The following RTL9 variants were observed in gnomAD, a reference collection of about 807,000 sequenced individuals.
The protein encoded by RTL9 is retrotransposon Gag-like protein 9.
In RTL9, 19 loss-of-function variants were observed where a neutral mutation model predicts 44.7. The ratio of observed to expected loss-of-function variants is 0.42; its 90% CI spans 0.30 to 0.62. RTL9 has a LOEUF of 0.62. Among genes scored for constraint, RTL9 ranks in the 20% least tolerant of loss-of-function variants. The probability of loss-of-function intolerance (pLI) is 0.16; values close to 1 mark genes in which losing one functional copy is unlikely to be tolerated. For missense variants in RTL9, 1,105 were observed against 1,080.6 expected (o/e 1.02, Z -0.32); for synonymous variants, 407 against 398.9 (o/e 1.02, Z -0.24).
upstream of RTL9, among the ~76,000 whole-genome samples, chrX:110,416,895 T>A (rs895331541): frequency 8.9e-6 from 1 of 111,890 alleles, no homozygotes; most frequent in Non-Finnish European, 1.9e-5. Flanking sequence ...CCTCTCTGAA[T>A]GTCTGTATCA....
exon 2 of RTL9, chrX:110,456,079 C>T (rs1466466215): frequency 2.7e-5 from 3 of 111,777 alleles, no homozygotes; most frequent in Non-Finnish European, 3.8e-5. Context: ...CTCTGGGTGA[C>T]CCCCTCAGTT....
chrX:110,411,620 C>A (rs769468487), intron 1 of RTL9, among the ~76,000 whole-genome samples: 14 of 112,006 alleles, frequency 1.2e-4, no homozygotes, highest in African/African-American at 4.5e-4. Flanking sequence ...AAAAATTTAA[C>A]AACCTGAGTA....
In RTL9 at chrX:110,396,589, T is replaced by G. The variant is rs746263726; in HGVS notation, c.-168+37673T>G. 3.7e-3 allele frequency among the ~76,000 whole-genome samples: 420 copies of G among 112,060 alleles called. 1 individual carries two copies. The highest frequency in any genetic ancestry group is 6.5e-3 in the Non-Finnish European group (345 of 53,220). ...CACCTCCTCAGAGCTGGAATTACAGTTTGATGTGTATTGGGTACTCACAAT... is the reference window on the plus strand; with the variant it reads ...CACCTCCTCAGAGCTGGAATTACAGGTTGATGTGTATTGGGTACTCACAAT... On this transcript the variant is annotated intron_variant, in intron 1 of 2. Transcript: ENST00000520821.
chrX:110,409,389 G>A (rs1416293695), intron 1 of RTL9, among the ~76,000 whole-genome samples: 1 of 111,671 alleles, frequency 9.0e-6, no homozygotes, highest in African/African-American at 3.3e-5. Flanking sequence ...GAAGAGAGTT[G>A]TGTTTACATT....
intron 1 of RTL9, among the ~76,000 whole-genome samples, chrX:110,410,165 G>C (rs148789669): frequency 9.0e-6 from 1 of 111,583 alleles, no homozygotes; most frequent in East Asian, 2.8e-4. Context: ...CACAGAGCAA[G>C]TCATGGCAGA....
chrX:110,423,148 C>T (rs1374420895), intron 1 of RTL9, among the ~76,000 whole-genome samples: 2 of 110,755 alleles, frequency 1.8e-5, no homozygotes, highest in Non-Finnish European at 3.8e-5. Flanking sequence ...GCCAACATGG[C>T]GAAACCCTGT....
chrX:110,398,741 C>T (rs1390560986), intron 1 of RTL9, among the ~76,000 whole-genome samples: 2 of 112,136 alleles, frequency 1.8e-5, no homozygotes, highest in Non-Finnish European at 3.8e-5. Flanking sequence ...CTTCACTTCA[C>T]CTCATAGTTG....
chrX:110,359,856 A>C (rs2068251603), intron 1 of RTL9, among the ~76,000 whole-genome samples: 1 of 111,842 alleles, frequency 8.9e-6, no homozygotes, highest in Non-Finnish European at 1.9e-5. Flanking sequence ...AGCATCAAAG[A>C]CTGCTTTATC....
chrX:110,431,323 C>CTGTG (rs759432836), intron 1 of RTL9, among the ~76,000 whole-genome samples: 7,254 of 94,834 alleles, frequency 0.076, 657 homozygotes, highest in African/African-American at 0.25. Context: ...GAGGGGAAGG[C>CTGTG]TGTGTGTGTG....
chrX:110,413,341 C>A (rs1182669936), intron 1 of RTL9, among the ~76,000 whole-genome samples: 1 of 111,572 alleles, frequency 9.0e-6, no homozygotes, highest in Non-Finnish European at 1.9e-5. Context: ...ACACTGTCCA[C>A]ACTCCCACAC....
intron 1 of RTL9, among the ~76,000 whole-genome samples, chrX:110,377,988 G>A (rs1247340204): frequency 2.5e-5 from 2 of 81,559 alleles, no homozygotes; most frequent in Admixed American, 1.6e-4. Context: ...CAGCCTGGGC[G>A]ACAGAGCGAG....
intron 1 of RTL9, among the ~76,000 whole-genome samples, chrX:110,425,952 G>C (rs1405674102): frequency 9.0e-6 from 1 of 111,712 alleles, no homozygotes; most frequent in Non-Finnish European, 1.9e-5. Context: ...AGGCATTGAG[G>C]ATTTATAAGT....
chrX:110,384,708 A>G (rs1442604184), intron 1 of RTL9, among the ~76,000 whole-genome samples: 1 of 110,817 alleles, frequency 9.0e-6, no homozygotes, highest in Non-Finnish European at 1.9e-5. Flanking sequence ...GAAGGTGACA[A>G]ATGTGGCTGG....
chrX:110,454,683 G>C lies in RTL9; in HGVS notation c.4047+19G>C. 2 of 1,147,459 alleles carry C rather than the reference G, an allele frequency of 1.7e-6. No homozygotes were observed. Among genetic ancestry groups the C allele is most frequent in the South Asian group, 4.0e-5 (2 of 49,649 alleles). 94.6% of individuals were successfully genotyped at this position (1,147,459 alleles called of 1,213,427 possible). A position where few individuals can be genotyped will look rare whatever the true frequency, so the allele number is the denominator to read the frequency against. ...TGAGGAGGTAATGAGGGGGAAATCC[G>C]CTGAAGGTTTTTGAGCAGAGAAATG... On this transcript the variant is annotated intron_variant, in intron 1 of 1. Transcript: ENST00000540313.
At chrX:110,413,291 C>T (rs1478988005) in intron 1 of RTL9, among the ~76,000 whole-genome samples, 1 of 111,467 alleles carries the variant, frequency 9.0e-6, no homozygotes, top group African/African-American at 3.3e-5. Context: ...TGAGTCTCCA[C>T]GGCGGATCTC....
exon 1 of RTL9, chrX:110,450,901 C>T: frequency 8.3e-7 from 1 of 1,211,943 alleles, no homozygotes; most frequent in Non-Finnish European, 1.1e-6. Context: ...ATGCCAGCCT[C>T]AGACTCTGGG....
chrX:110,366,738 C>T (rs193195349), intron 1 of RTL9, among the ~76,000 whole-genome samples: 5 of 111,768 alleles, frequency 4.5e-5, no homozygotes, highest in African/African-American at 1.6e-4. Flanking sequence ...TATTCCCAAC[C>T]TGCCCCAGCA....
chrX:110,436,974 C>G (rs900769300), intron 1 of RTL9, among the ~76,000 whole-genome samples: 4 of 112,033 alleles, frequency 3.6e-5, no homozygotes, highest in Non-Finnish European at 3.8e-5. Flanking sequence ...CCTTCTGGAC[C>G]CTGATCTCCC....
chrX:110,414,431 G>A (rs993138658), upstream of RTL9, among the ~76,000 whole-genome samples: 2 of 112,610 alleles, frequency 1.8e-5, no homozygotes, highest in African/African-American at 3.2e-5. Flanking sequence ...GAGGGGAAAG[G>A]GGAAGTGATA....
Sources: gnomAD v4.1 joint callset for allele counts (sites outside exome capture counted in the v4.1 genomes callset) on GRCh38, gnomAD v4.1.1 for gene constraint, MANE v1.5 for transcripts, NCBI Gene and HGNC (gene_info 2026-07-23, HGNC 2026-07-21) for gene names.